The following TMEM37 variants were observed in gnomAD, a reference collection of about 807,000 sequenced individuals.
The protein encoded by TMEM37 is voltage-dependent calcium channel gamma-like subunit.
A neutral mutation model predicts 11.0 loss-of-function variants in TMEM37; 12 were observed. The observed-to-expected ratio is 1.09, with a 90% CI of 0.70 to 1.76. The LOEUF (loss-of-function observed/expected upper bound fraction) is 1.76, where lower values mean the gene tolerates loss of function less well. Among genes scored for constraint, TMEM37 ranks in the 40% most tolerant of loss-of-function variants. The pLI, the probability that TMEM37 is intolerant of heterozygous loss-of-function variation, is 0.00. For missense variants in TMEM37, 203 were observed against 251.2 expected, an observed-to-expected ratio of 0.81 and a Z score of 1.30; for synonymous variants, 127 against 110.5, an observed-to-expected ratio of 1.15 and a Z score of -0.94.
rs1573767505 is a variant in TMEM37, at chr2:119,437,060, A to C, written c.193A>C (p.Thr65Pro). 6.6e-7 allele frequency: 1 copy of C among 1,509,338 alleles called. No individual in the cohort carries two copies. The allele number at this position is 1,509,338 out of a possible 1,614,324, so 93.5% of individuals were successfully genotyped here. Residue 65 changes from threonine to proline, a missense_variant, in exon 2 of 2, where the codon ACC becomes CCC. Coordinates refer to ENST00000306406, the MANE Select transcript of TMEM37 (RefSeq NM_183240.3). Reference protein sequence around the residue: ...DRLFGLWHFCTTTNQTICFRD... With the variant: ...DRLFGLWHFCPTTNQTICFRD... ...CCTCTTCGGGCTCTGGCACTTCTGC[A>C]CCACCACCAACCAGACGATCTGCTT...
At chr2:119,430,273 G>C, upstream of TMEM37, 1 of 626,800 alleles carries the variant, frequency 1.6e-6, no homozygotes, top group Non-Finnish European at 3.0e-6. Context: ...CAGGCCAGCA[G>C]CACCAACATC....
chr2:119,436,757 G>T (rs2104739834), intron 1 of TMEM37, 132 bp from the exon 2 acceptor site: 1 of 747,282 alleles, frequency 1.3e-6, no homozygotes, highest in East Asian at 2.6e-5. Flanking sequence ...TCTGTTCCGG[G>T]CTTCACAGGA....
chr2:119,437,076 C>A lies in TMEM37; in HGVS notation c.209C>A (p.Thr70Lys), dbSNP rs201077606. Residue 70 changes from threonine to lysine, a missense_variant, in exon 2 of 2, where the codon ACG becomes AAG. By Grantham distance (78) the Thr-to-Lys change is moderately conservative. Coordinates refer to ENST00000306406, the MANE Select transcript of TMEM37 (RefSeq NM_183240.3). ...LWHFCTTTNQ[T>K]ICFRDLGQAH... ...CACTTCTGCACCACCACCAACCAGACGATCTGCTTCAGAGACCTGGGCCAG... is the reference window on the plus strand; with the variant it reads ...CACTTCTGCACCACCACCAACCAGAAGATCTGCTTCAGAGACCTGGGCCAG... 1.6e-6 allele frequency: 1 copy of A among 606,474 alleles called. No individual in the cohort carries two copies. The highest frequency in any genetic ancestry group is 5.4e-5 in the Admixed American group (1 of 18,498). 37.6% of individuals were successfully genotyped at this position (606,474 alleles called of 1,614,324 possible). A position where few individuals can be genotyped will look rare whatever the true frequency, so the allele number is the denominator to read the frequency against.
At chr2:119,436,819 T>C in intron 1 of TMEM37, 70 bp from the exon 2 acceptor site, 1 of 1,297,000 alleles carries the variant, frequency 7.7e-7, no homozygotes, top group Non-Finnish European at 1.1e-6. Flanking sequence ...CTCAGGGGTC[T>C]TCCCTGCAGA....
intron 1 of TMEM37, among the ~76,000 whole-genome samples, chr2:119,433,492 C>T (rs1005783801): frequency 6.6e-6 from 1 of 151,882 alleles, no homozygotes; most frequent in African/African-American, 2.4e-5. Flanking sequence ...TGGGGATGTG[C>T]GGAATGAGTT....
intron 1 of TMEM37, 36 bp from the exon 2 acceptor site, chr2:119,436,853 T>C (rs1243321058): frequency 1.3e-6 from 2 of 1,560,020 alleles, no homozygotes; most frequent in African/African-American, 2.7e-5. Flanking sequence ...GTGGCAGGGC[T>C]GTGGCTGACA....
At chr2:119,435,853 C>G (rs550876247) in intron 1 of TMEM37, among the ~76,000 whole-genome samples, 56 of 152,196 alleles carry the variant, frequency 3.7e-4, no homozygotes, top group African/African-American at 1.3e-3. Flanking sequence ...TAAGCTGAGA[C>G]ATGAAGAATG....
At chr2:119,434,734 G>A (rs1573765237) in intron 1 of TMEM37, among the ~76,000 whole-genome samples, 1 of 152,176 alleles carries the variant, frequency 6.6e-6, no homozygotes, top group East Asian at 1.9e-4. Context: ...TGGCCCTTGA[G>A]GCATCCCTCT....
upstream of TMEM37, among the ~76,000 whole-genome samples, chr2:119,431,380 C>G (rs1682390429): frequency 6.6e-6 from 1 of 152,214 alleles, no homozygotes; most frequent in South Asian, 2.1e-4. Flanking sequence ...CCTTACTAAC[C>G]GAGGCTCCGA....
At chr2:119,433,527 G>C (rs1375860295) in intron 1 of TMEM37, among the ~76,000 whole-genome samples, 1 of 152,120 alleles carries the variant, frequency 6.6e-6, no homozygotes, top group East Asian at 1.9e-4. Flanking sequence ...TTGTCTACCT[G>C]GGGGTGCTTT....
At chr2:119,435,260 T>C (rs1252182291) in intron 1 of TMEM37, among the ~76,000 whole-genome samples, 3 of 111,684 alleles carry the variant, frequency 2.7e-5, no homozygotes, top group Admixed American at 2.6e-4. Flanking sequence ...ATACTCTTGC[T>C]GGGCTCTTTG....
In TMEM37 at chr2:119,436,922, C is replaced by T. The variant is rs747500777; in HGVS notation, c.55C>T (p.Arg19Trp). The change falls in exon 2 of 2, where the codon CGG becomes TGG. Residue 19 changes from arginine (R) to tryptophan (W), a missense_variant. Transcript: ENST00000306406. Reference protein sequence around the residue: ...QRPLGQRQPRRSFFESFIRTL... With the variant: ...QRPLGQRQPRWSFFESFIRTL... ...GCCTTTGGGCCAAAGGCAGCCCCGC[C>T]GGTCCTTCTTTGAATCCTTCATCCG... 44 of 1,614,032 alleles carry T rather than the reference C, an allele frequency of 2.7e-5. No individual in the cohort carries two copies. Among genetic ancestry groups the T allele is most frequent in the South Asian group, 2.1e-4 (19 of 91,070 alleles).
chr2:119,437,125 G>A lies in TMEM37; in HGVS notation c.258G>A (p.Val86=), dbSNP rs1682515112. 2 of 1,613,706 alleles carry A rather than the reference G, an allele frequency of 1.2e-6. No homozygotes were observed. The highest frequency in any genetic ancestry group is 1.7e-6 in the Non-Finnish European group (2 of 1,179,624). The change falls in exon 2 of 2, where the codon GTG becomes GTA. Residue 86 remains valine, a synonymous_variant. Coordinates refer to ENST00000306406, the MANE Select transcript of TMEM37 (RefSeq NM_183240.3). ...LGQAHVPGLA[V]GMGLVRSVGA... ...AGGCCCATGTGCCCGGGCTGGCCGT[G>A]GGCATGGGCCTGGTACGCAGCGTGG... is the stretch of plus-strand genomic sequence containing the variant.
chr2:119,432,156 C>T lies in TMEM37; in HGVS notation c.21+232C>T, dbSNP rs564401867. ...ATAGCTGCTCCCGAGGCGCGGACTC[C>T]GGCTGCTTCTGCTCGCGGCCTTGCA... On this transcript the variant is annotated intron_variant, in intron 1 of 1. Transcript: ENST00000306406. 1.2e-4 allele frequency: 45 copies of T among 370,224 alleles called. No individual in the cohort carries two copies. The South Asian group carries it at 6.6e-3, about 54-fold the overall frequency. 22.9% of individuals were successfully genotyped at this position (370,224 alleles called of 1,614,324 possible).
intron 1 of TMEM37, among the ~76,000 whole-genome samples, chr2:119,432,918 A>T (rs543234170): frequency 6.6e-6 from 1 of 152,268 alleles, no homozygotes; most frequent in Non-Finnish European, 1.5e-5. Context: ...AACCCCACCC[A>T]CAGGACACCC....
chr2:119,437,170 C>G lies in TMEM37; in HGVS notation c.303C>G (p.Ala101=). 6.2e-7 allele frequency: 1 copy of G among 1,614,208 alleles called. No homozygotes were observed. Among genetic ancestry groups the G allele is most frequent in the South Asian group, 1.1e-5 (1 of 91,088 alleles). Residue 101 remains alanine (A), a synonymous_variant, in exon 2 of 2, where the codon GCC becomes GCG. Coordinates refer to ENST00000306406, the MANE Select transcript of TMEM37 (RefSeq NM_183240.3). The part of the protein sequence containing the change: ...VRSVGALAVV[A]AIFGLEFLMV... The stretch of plus-strand genomic sequence containing the variant: ...GCGTGGGCGCCTTGGCCGTGGTGGC[C>G]GCCATTTTTGGCCTGGAGTTCCTCA...
intron 1 of TMEM37, among the ~76,000 whole-genome samples, chr2:119,436,279 G>C (rs1037505582): frequency 3.3e-5 from 5 of 152,166 alleles, no homozygotes; most frequent in African/African-American, 1.2e-4. Context: ...TAGGGTACAG[G>C]CCGCACAGGT....
In TMEM37 at chr2:119,434,294, C is replaced by T. The variant is rs546891861; in HGVS notation, c.21+2370C>T. ...GGGACCTTGTAACCTTGCCAGGTGC[C>T]TTCATGGCTACGACTTTCCTGCAAG... On this transcript the variant is annotated intron_variant, in intron 1 of 1. Transcript: ENST00000306406. Among the ~76,000 whole-genome samples, 20 of 152,266 alleles carry T rather than the reference C, an allele frequency of 1.3e-4. No homozygotes were observed. The South Asian group carries it at 3.5e-3, about 27-fold the overall frequency.
At chr2:119,429,966 C>G (rs1323529178), upstream of TMEM37, 1 of 1,550,528 alleles carries the variant, frequency 6.4e-7, no homozygotes, top group East Asian at 2.4e-5. Context: ...TAATTCCAGG[C>G]ACTTCCCTCT....
Sources: allele counts gnomAD v4.1 joint callset (sites outside exome capture counted in the v4.1 genomes callset), GRCh38; gene constraint gnomAD v4.1.1; transcripts MANE v1.5; gene names NCBI Gene and HGNC (gene_info 2026-07-23, HGNC 2026-07-21).